The following SENP7 variants were observed in gnomAD, a reference collection of about 807,000 sequenced individuals.
SENP7 encodes SUMO specific peptidase 7.
In SENP7, 64 loss-of-function variants were observed where a neutral mutation model predicts 141.2. The observed-to-expected ratio is 0.45, with a 90% CI of 0.37 to 0.56. SENP7 has a LOEUF of 0.56. Ranked by LOEUF, SENP7 falls within the 20% of genes least tolerant of loss-of-function variation. The pLI is 0.00. For missense variants in SENP7, 1,025 were observed against 1,212.2 expected, an observed-to-expected ratio of 0.85 and a Z score of 2.29; for synonymous variants, 382 against 426.4, an observed-to-expected ratio of 0.90 and a Z score of 1.28.
At chr3:101,362,463 C>A (rs1188217073) in intron 10 of SENP7, among the ~76,000 whole-genome samples, 1 of 152,126 alleles carries the variant, frequency 6.6e-6, no homozygotes, top group East Asian at 1.9e-4. Flanking sequence ...CTTGCTACTG[C>A]ACTTTAAAAT....
chr3:101,351,022 T>C (rs1441158229), intron 12 of SENP7, among the ~76,000 whole-genome samples: 1 of 152,020 alleles, frequency 6.6e-6, no homozygotes, highest in Non-Finnish European at 1.5e-5. Flanking sequence ...CAGAAGCCTC[T>C]TCTTCTCTAA....
At chr3:101,408,438 G>C (rs1335896341) in intron 5 of SENP7, among the ~76,000 whole-genome samples, 1 of 151,972 alleles carries the variant, frequency 6.6e-6, no homozygotes, top group African/African-American at 2.4e-5. Flanking sequence ...ATCCCATGAA[G>C]ACAGCATCAC....
At chr3:101,507,505 TAC>T (rs761543249) in intron 1 of SENP7, among the ~76,000 whole-genome samples, 6 of 152,232 alleles carry the variant, frequency 3.9e-5, no homozygotes, top group Non-Finnish European at 7.3e-5. Context: ...CCAAAGTCAA[TAC>T]AGTTTCCTTA....
In SENP7 at chr3:101,366,734, C is replaced by T; in HGVS notation, c.1014G>A (p.Glu338=). Residue 338 remains glutamate, a synonymous_variant, in exon 9 of 24, where the codon GAG becomes GAA. Transcript: ENST00000394095. The part of the protein sequence containing the change: ...KQEDDSTIST[E]FEKPSENYHQ... ...GATAGTTTTCACTTGGCTTTTCAAA[C>T]TCAGTGGATATTGTTGAGTCATCTT... The T allele has an allele frequency of 6.2e-7, 1 of 1,609,318 alleles. No individual in the cohort carries two copies. Among genetic ancestry groups the T allele is most frequent in the Non-Finnish European group, 8.5e-7 (1 of 1,177,378 alleles).
chr3:101,335,325 GTAGT>G (rs907996170), intron 17 of SENP7, among the ~76,000 whole-genome samples: 10 of 152,140 alleles, frequency 6.6e-5, no homozygotes, highest in African/African-American at 2.2e-4. Flanking sequence ...CTCAACACTA[GTAGT>G]TAGAGCCTTT....
intron 23 of SENP7, among the ~76,000 whole-genome samples, chr3:101,327,313 G>A (rs560229933): frequency 2.2e-4 from 33 of 152,182 alleles, no homozygotes; most frequent in Admixed American, 6.5e-5. Flanking sequence ...GACCTGGTAG[G>A]AGGTAACTGA....
chr3:101,469,041 CA>C (rs910229362), intron 3 of SENP7, among the ~76,000 whole-genome samples: 2 of 148,324 alleles, frequency 1.3e-5, no homozygotes, highest in South Asian at 4.3e-4. Context: ...AAATGGAAAG[CA>C]AAAAAAAAGC....
intron 11 of SENP7, among the ~76,000 whole-genome samples, chr3:101,359,626 A>C (rs559615061): frequency 4.6e-5 from 7 of 151,904 alleles, no homozygotes; most frequent in Non-Finnish European, 1.0e-4. Flanking sequence ...AACAATTAAA[A>C]ATTTTTAAAG....
chr3:101,378,156 CA>C (rs566606758), intron 6 of SENP7, among the ~76,000 whole-genome samples: 15 of 130,474 alleles, frequency 1.1e-4, no homozygotes, highest in Non-Finnish European at 1.6e-4. Context: ...TCCAACTATC[CA>C]AAAAAAAACA....
intron 15 of SENP7, among the ~76,000 whole-genome samples, chr3:101,340,620 C>T (rs1256839883): frequency 1.3e-5 from 2 of 152,150 alleles, no homozygotes; most frequent in African/African-American, 4.8e-5. Flanking sequence ...AGACTAGTTC[C>T]CTTCCTTTCA....
chr3:101,511,995 A>G (rs181541191), intron 1 of SENP7, among the ~76,000 whole-genome samples: 2 of 151,896 alleles, frequency 1.3e-5, no homozygotes, highest in Admixed American at 6.5e-5. Context: ...AATTTTTTGC[A>G]TTTTTTAGTA....
chr3:101,331,008 C>A (rs1422307255), intron 19 of SENP7, among the ~76,000 whole-genome samples: 1 of 152,036 alleles, frequency 6.6e-6, no homozygotes. Context: ...ATTACCTAGC[C>A]AAATTAATGG....
At chr3:101,496,260 G>A (rs1432222978) in intron 2 of SENP7, among the ~76,000 whole-genome samples, 3 of 151,988 alleles carry the variant, frequency 2.0e-5, no homozygotes, top group Admixed American at 2.0e-4. Flanking sequence ...TCTTAAACAT[G>A]TATTTATTTA....
intron 5 of SENP7, among the ~76,000 whole-genome samples, chr3:101,417,288 T>C (rs2061653851): frequency 6.6e-6 from 1 of 152,164 alleles, no homozygotes. Context: ...TATATATGTA[T>C]CTTCATTTTA....
intron 3 of SENP7, among the ~76,000 whole-genome samples, chr3:101,475,224 A>C (rs903198017): frequency 1.3e-5 from 2 of 152,206 alleles, no homozygotes; most frequent in African/African-American, 4.8e-5. Context: ...AAGGAATATA[A>C]ATCATTTTAT....
At position 101,348,019 on chromosome 3, in the gene SENP7, T is replaced by C. The variant is rs779033057; in HGVS notation, c.1690A>G (p.Thr564Ala). 2 of 1,601,432 alleles carry C rather than the reference T, an allele frequency of 1.2e-6. No homozygotes were observed. The highest frequency in any genetic ancestry group is 1.1e-5 in the South Asian group (1 of 87,872). Residue 564 changes from threonine (T) to alanine (A), a missense_variant, in exon 13 of 24, where the codon ACC becomes GCC. This residue lies in a region of SENP7 where 228 missense variants were observed against 228.5 expected (regional missense o/e 1.00). Transcript: ENST00000394095. ...AACCCAAACCGCTTTAAATGTGTGG[T>C]ATCCACTAGCAATGAAATCTCATTC... ...SLNEISLLVDTTHLKRFGLWK... is the reference protein window; with the variant it reads ...SLNEISLLVDATHLKRFGLWK...
chr3:101,343,932 G>A lies in SENP7; in HGVS notation c.1860C>T (p.Phe620=). The change falls in exon 14 of 24, where the codon TTC becomes TTT. Residue 620 remains phenylalanine (F), a synonymous_variant. Coordinates refer to ENST00000394095, the MANE Select transcript of SENP7 (RefSeq NM_020654.5). ...SQQSKSSEFI[F]LELHNPVSQR... ...GTGAAACAGGATTGTGTAGTTCAAG[G>A]AAAATGAATTCACTAGATTTTGCTA... 6.3e-7 allele frequency: 1 copy of A among 1,580,026 alleles called. No homozygotes were observed. The highest frequency in any genetic ancestry group is 8.6e-7 in the Non-Finnish European group (1 of 1,163,960).
intron 3 of SENP7, among the ~76,000 whole-genome samples, chr3:101,487,998 T>A (rs1249524109): frequency 2.0e-5 from 3 of 152,186 alleles, no homozygotes; most frequent in African/African-American, 7.2e-5. Flanking sequence ...CTCTGAAAAA[T>A]GACATTGATA....
chr3:101,486,875 A>G (rs764241679), intron 3 of SENP7, among the ~76,000 whole-genome samples: 21 of 152,214 alleles, frequency 1.4e-4, no homozygotes, highest in Non-Finnish European at 1.8e-4. Flanking sequence ...CAGAAAACTC[A>G]CCTAGCACAT....
Sources: allele counts gnomAD v4.1 joint callset (sites outside exome capture counted in the v4.1 genomes callset), GRCh38; gene constraint gnomAD v4.1.1; regional missense constraint gnomAD v4.1.1; transcripts MANE v1.5; gene names NCBI Gene and HGNC (gene_info 2026-07-23, HGNC 2026-07-21).